The following AFG2A variants were observed in gnomAD, a reference collection of about 807,000 sequenced individuals.
The protein encoded by AFG2A is AAA ATPase AFG2A.
At chr4:122,947,207 A>T in the AFG2A span, 2 of 1,501,958 alleles carry the variant, frequency 1.3e-6, no homozygotes, top group African/African-American at 2.8e-5. Context: ...CAGAAAAATA[A>T]ATTTATTTTC....
chr4:123,226,613 A>G, the AFG2A span, among the ~76,000 whole-genome samples: 3 of 152,310 alleles, frequency 2.0e-5, no homozygotes, highest in East Asian at 5.8e-4. Flanking sequence ...TCGGTTTGCC[A>G]GTATTTTATT....
At chr4:123,319,091 C>G in the AFG2A span, 1 of 152,128 alleles carries the variant, frequency 6.6e-6, no homozygotes, top group Admixed American at 6.5e-5. Flanking sequence ...AGAAACTACC[C>G]TAACTTATCT....
the AFG2A span, chr4:122,936,128 C>T: frequency 5.6e-6 from 9 of 1,603,948 alleles, no homozygotes; most frequent in South Asian, 3.4e-5. Flanking sequence ...AGCAAAGTTA[C>T]GTCAGATATT....
At chr4:123,110,745 G>A in the AFG2A span, among the ~76,000 whole-genome samples, 223 of 152,242 alleles carry the variant, frequency 1.5e-3, no homozygotes, top group African/African-American at 5.2e-3. Flanking sequence ...TGACAACCCT[G>A]CAAAGTAGTA....
At chr4:122,955,602 T>C in the AFG2A span, among the ~76,000 whole-genome samples, 5 of 152,182 alleles carry the variant, frequency 3.3e-5, no homozygotes, top group African/African-American at 4.8e-5. Flanking sequence ...TGGACTGATA[T>C]ATGTAGGGAA....
chr4:123,066,807 T>C, the AFG2A span, among the ~76,000 whole-genome samples: 2 of 152,208 alleles, frequency 1.3e-5, no homozygotes, highest in Non-Finnish European at 2.9e-5. Context: ...TTTTAAATAG[T>C]AAACAGTAAA....
the AFG2A span, among the ~76,000 whole-genome samples, chr4:122,975,484 C>T: frequency 6.6e-6 from 1 of 152,080 alleles, no homozygotes; most frequent in African/African-American, 2.4e-5. Flanking sequence ...TACTTTTACT[C>T]TATTCTAACA....
the AFG2A span, among the ~76,000 whole-genome samples, chr4:123,197,778 T>A: frequency 6.6e-6 from 1 of 150,654 alleles, no homozygotes; most frequent in Non-Finnish European, 1.5e-5. Context: ...AAAAAATAAA[T>A]AAATAAATAA....
At chr4:123,309,314 T>G in the AFG2A span, among the ~76,000 whole-genome samples, 1 of 152,194 alleles carries the variant, frequency 6.6e-6, no homozygotes, top group African/African-American at 2.4e-5. Context: ...GCCAACAGAT[T>G]TGGTGTCTGG....
chr4:123,119,446 G>A, the AFG2A span, among the ~76,000 whole-genome samples: 1 of 152,142 alleles, frequency 6.6e-6, no homozygotes, highest in African/African-American at 2.4e-5. Context: ...AACCTCCCAT[G>A]GCTGAAGAGT....
the AFG2A span, among the ~76,000 whole-genome samples, chr4:123,218,884 C>G: frequency 6.6e-6 from 1 of 152,112 alleles, no homozygotes; most frequent in Non-Finnish European, 1.5e-5. Flanking sequence ...TAACTATGGC[C>G]AGACCTATAC....
chr4:123,109,761 C>G, the AFG2A span, among the ~76,000 whole-genome samples: 13 of 152,100 alleles, frequency 8.5e-5, no homozygotes, highest in Non-Finnish European at 1.6e-4. Context: ...TCCCATTGCT[C>G]TAATGCAAGG....
At chr4:123,008,776 C>T in the AFG2A span, among the ~76,000 whole-genome samples, 1 of 152,110 alleles carries the variant, frequency 6.6e-6, no homozygotes, top group East Asian at 1.9e-4. Context: ...ATTGATGAAA[C>T]TTAATCTGAA....
At chr4:123,155,261 T>A in the AFG2A span, among the ~76,000 whole-genome samples, 1 of 152,070 alleles carries the variant, frequency 6.6e-6, no homozygotes, top group African/African-American at 2.4e-5. Context: ...AGTTTTATAT[T>A]TTTATAGAGA....
chr4:123,083,499 G>A, the AFG2A span, among the ~76,000 whole-genome samples: 2 of 151,260 alleles, frequency 1.3e-5, no homozygotes, highest in Admixed American at 6.6e-5. Flanking sequence ...ATGTTTTCAA[G>A]TGTTAAACTA....
the AFG2A span, among the ~76,000 whole-genome samples, chr4:123,229,699 G>A: frequency 6.6e-6 from 1 of 151,886 alleles, no homozygotes; most frequent in Admixed American, 6.6e-5. Context: ...GCCGTTTCCT[G>A]AGAATGGAAA....
the AFG2A span, among the ~76,000 whole-genome samples, chr4:123,015,865 C>T: frequency 2.3e-4 from 5 of 22,178 alleles, no homozygotes; most frequent in Non-Finnish European, 6.5e-4. Context: ...GGGGGCTGAC[C>T]CCCCCACCTC....
At chr4:122,960,207 G>T in the AFG2A span, among the ~76,000 whole-genome samples, 4 of 152,142 alleles carry the variant, frequency 2.6e-5, no homozygotes, top group African/African-American at 9.7e-5. Context: ...TTCCTGCTGG[G>T]ATTAGGCTGC....
the AFG2A span, among the ~76,000 whole-genome samples, chr4:123,137,214 A>T: frequency 6.6e-6 from 1 of 152,182 alleles, no homozygotes; most frequent in Admixed American, 6.5e-5. Flanking sequence ...GTACTGATCC[A>T]CAACCCGGGG....
Sources: allele counts gnomAD v4.1 joint callset (sites outside exome capture counted in the v4.1 genomes callset), GRCh38; gene constraint gnomAD v4.1.1; transcripts MANE v1.5; gene names NCBI Gene and HGNC (gene_info 2026-07-23, HGNC 2026-07-21).